ANKRD55: variants seen among roughly 807,000 people sequenced by gnomAD.
The protein encoded by ANKRD55 is ankyrin repeat domain 55.
ANKRD55 carries 41 observed loss-of-function variants against 60.6 expected under a neutral mutation model. That is an observed-to-expected ratio of 0.68 (90% confidence interval 0.53 to 0.88). ANKRD55 has a LOEUF of 0.88. Among genes scored for constraint, ANKRD55 ranks in the 40% least tolerant of loss-of-function variants. The pLI is 0.00. For missense variants in ANKRD55, 732 were observed against 767.6 expected, an observed-to-expected ratio of 0.95 and a Z score of 0.55; for synonymous variants, 264 against 290.3, an observed-to-expected ratio of 0.91 and a Z score of 0.92.
intron 10 of ANKRD55, among the ~76,000 whole-genome samples, chr5:56,110,162 C>T (rs780084775): frequency 2.7e-5 from 4 of 150,266 alleles, no homozygotes; most frequent in Non-Finnish European, 4.4e-5. Flanking sequence ...TTTGAGAGAC[C>T]GAGAAGGGAG....
At chr5:56,116,523 A>T in intron 9 of ANKRD55, 92 bp downstream of exon 9, 1 of 1,052,550 alleles carries the variant, frequency 9.5e-7, no homozygotes, top group Non-Finnish European at 1.3e-6. Context: ...TAATATTATT[A>T]TTGGTTTGCA....
intron 6 of ANKRD55, among the ~76,000 whole-genome samples, chr5:56,152,264 T>C (rs546476420): frequency 2.0e-5 from 3 of 151,124 alleles, no homozygotes; most frequent in Non-Finnish European, 4.4e-5. Flanking sequence ...ATCTCAGGAA[T>C]GTGGTAAGTA....
intron 6 of ANKRD55, among the ~76,000 whole-genome samples, chr5:56,148,006 G>A (rs1757941446): frequency 6.6e-6 from 1 of 152,196 alleles, no homozygotes; most frequent in South Asian, 2.1e-4. Flanking sequence ...ACTAAGCAGT[G>A]ACAGAAATCA....
chr5:56,166,086 T>TTTTTCTTTCTTTCTTTCTTTCTTTCTTTC (rs1554040774), intron 5 of ANKRD55, among the ~76,000 whole-genome samples: 2 of 91,772 alleles, frequency 2.2e-5, no homozygotes, highest in East Asian at 3.4e-4. Context: ...TTTCTTTTCT[T>TTTTTCTTTCTTTCTTTCTTTCTTTCTTTC]TTTCTTTCTT....
intron 2 of ANKRD55, among the ~76,000 whole-genome samples, chr5:56,221,698 A>G (rs1759970039): frequency 6.6e-6 from 1 of 152,254 alleles, no homozygotes. Context: ...AGGAGATTAT[A>G]TCCCGTGCCT....
At chr5:56,230,360 TG>T (rs1202110163) in intron 2 of ANKRD55, among the ~76,000 whole-genome samples, 1 of 152,222 alleles carries the variant, frequency 6.6e-6, no homozygotes. Context: ...CCCAAAGCAC[TG>T]GGATTACAGG....
intron 2 of ANKRD55, among the ~76,000 whole-genome samples, chr5:56,188,175 G>C (rs141875312): frequency 1.5e-4 from 23 of 152,164 alleles, no homozygotes; most frequent in Non-Finnish European, 2.8e-4. Flanking sequence ...TGGATTCAGG[G>C]ATGTGACCCA....
intron 2 of ANKRD55, among the ~76,000 whole-genome samples, chr5:56,215,625 C>T (rs941024002): frequency 6.6e-6 from 1 of 152,138 alleles, no homozygotes; most frequent in Admixed American, 6.5e-5. Context: ...GAAAGTATAT[C>T]TTGGTATGAA....
At chr5:56,198,254 C>T (rs1295879848) in intron 2 of ANKRD55, among the ~76,000 whole-genome samples, 1 of 152,088 alleles carries the variant, frequency 6.6e-6, no homozygotes, top group Non-Finnish European at 1.5e-5. Context: ...ACTTAAAAAT[C>T]TAGAATTTTA....
At chr5:56,137,089 G>A (rs1225881346) in intron 7 of ANKRD55, 1 of 917,072 alleles carries the variant, frequency 1.1e-6, no homozygotes, top group Non-Finnish European at 1.8e-6. Context: ...GGCCATCAGG[G>A]TAGGCATATA....
chr5:56,217,178 A>T lies in ANKRD55; in HGVS notation c.58+15678T>A, dbSNP rs373264015. 3.3e-4 allele frequency among the ~76,000 whole-genome samples: 50 copies of T among 152,348 alleles called. No individual in the cohort carries two copies. In the East Asian group the frequency reaches 6.6e-3, roughly 20 times the overall value. On this transcript the variant is annotated intron_variant, in intron 2 of 11. Transcript: ENST00000341048. ...CTGTAAATGGAATAACAAAGCCTGGATGATAGCAAATCTATTTACAACATG... is the reference window on the plus strand; with the variant it reads ...CTGTAAATGGAATAACAAAGCCTGGTTGATAGCAAATCTATTTACAACATG...
chr5:56,196,749 A>G (rs1232219016), intron 2 of ANKRD55, among the ~76,000 whole-genome samples: 1 of 152,214 alleles, frequency 6.6e-6, no homozygotes, highest in Admixed American at 6.5e-5. Flanking sequence ...TGTGGTTAGC[A>G]TACTTGCCTA....
chr5:56,230,671 G>A (rs942057742), intron 2 of ANKRD55, among the ~76,000 whole-genome samples: 1 of 152,148 alleles, frequency 6.6e-6, no homozygotes, highest in Non-Finnish European at 1.5e-5. Flanking sequence ...TAAGAAAGAG[G>A]AAGGATTAAT....
At chr5:56,125,902 G>A (rs1388745228) in intron 8 of ANKRD55, 1 of 152,202 alleles carries the variant, frequency 6.6e-6, no homozygotes, top group Admixed American at 6.5e-5. Flanking sequence ...GAGAGGCCGA[G>A]GCGGGCGGGT....
At chr5:56,166,814 C>T (rs1019199183) in intron 5 of ANKRD55, among the ~76,000 whole-genome samples, 1 of 152,112 alleles carries the variant, frequency 6.6e-6, no homozygotes, top group Non-Finnish European at 1.5e-5. Context: ...ATAGCAATTC[C>T]TTCTTCAGTA....
At chr5:56,116,830 G>T (rs372403239) in intron 8 of ANKRD55, 48 bp from the exon 9 acceptor site, 2,310 of 1,479,302 alleles carry the variant, frequency 1.6e-3, no homozygotes, top group Non-Finnish European at 1.8e-3. Flanking sequence ...CATGTGAATT[G>T]TTCAGGCTGC....
At chr5:56,141,016 T>C (rs903123180) in intron 7 of ANKRD55, among the ~76,000 whole-genome samples, 1 of 151,660 alleles carries the variant, frequency 6.6e-6, no homozygotes, top group African/African-American at 2.4e-5. Flanking sequence ...TGAGCCAAGA[T>C]CGCACCATTG....
intron 6 of ANKRD55, among the ~76,000 whole-genome samples, chr5:56,149,993 C>T (rs1192370181): frequency 6.6e-6 from 1 of 152,008 alleles, no homozygotes; most frequent in Non-Finnish European, 1.5e-5. Flanking sequence ...AGGTGCGAGC[C>T]ACCACGCCCG....
intron 2 of ANKRD55, among the ~76,000 whole-genome samples, chr5:56,187,748 C>T (rs545053414): frequency 6.6e-6 from 1 of 152,224 alleles, no homozygotes; most frequent in African/African-American, 2.4e-5. Flanking sequence ...TCTAGGTTCT[C>T]TTCCGTGACC....
Sources: gnomAD v4.1 joint callset for allele counts (sites outside exome capture counted in the v4.1 genomes callset) on GRCh38, gnomAD v4.1.1 for gene constraint, MANE v1.5 for transcripts, NCBI Gene and HGNC (gene_info 2026-07-23, HGNC 2026-07-21) for gene names.